NRG3: variants seen among roughly 807,000 people sequenced by gnomAD.
The protein encoded by NRG3 is neuregulin 3.
In NRG3, 31 loss-of-function variants were observed where a neutral mutation model predicts 66.9. The observed-to-expected ratio is 0.46, with a 90% confidence interval of 0.35 to 0.63. The LOEUF (loss-of-function observed/expected upper bound fraction) is 0.63. Among genes scored for constraint, NRG3 ranks in the 20% least tolerant of loss-of-function variants. NRG3 has a pLI of 0.00. For synonymous variants in NRG3, 393 were observed against 359.4 expected (o/e 1.09, Z -1.06); for missense variants, 910 against 878.9 (o/e 1.04, Z -0.45).
intron 1 of NRG3, among the ~76,000 whole-genome samples, chr10:81,998,281 C>G (rs1173795625): frequency 6.6e-6 from 1 of 152,196 alleles, no homozygotes; most frequent in Non-Finnish European, 1.5e-5. Flanking sequence ...TAGCATTTAT[C>G]TACATTTAAT....
chr10:81,963,434 A>G (rs1367762920), intron 1 of NRG3, among the ~76,000 whole-genome samples: 7 of 152,152 alleles, frequency 4.6e-5, no homozygotes, highest in Admixed American at 4.6e-4. Flanking sequence ...CGCCCGGCCC[A>G]CGAGGGCTCT....
chr10:82,185,377 G>C (rs1438572788), intron 1 of NRG3, among the ~76,000 whole-genome samples: 1 of 152,092 alleles, frequency 6.6e-6, no homozygotes, highest in Non-Finnish European at 1.5e-5. Context: ...AACTTAGCCA[G>C]GTCTTTCTTC....
Position 82,083,180 on chromosome 10 carries a change from C to T in NRG3, c.823+207017C>T, listed in dbSNP as rs548359451. Among the ~76,000 whole-genome samples, 31 of 152,114 alleles carry T rather than the reference C, an allele frequency of 2.0e-4. 1 individual carries two copies. In the South Asian group the frequency reaches 6.2e-3, roughly 31 times the overall value. On this transcript the variant is annotated intron_variant, in intron 1 of 8. Transcript: ENST00000372141. ...TTGATGATGTACAGTAGCACTGTAT[C>T]CATTCCTGGACACCAGTCTTTGAAG...
At chr10:82,980,580 G>A (rs1156907123) in intron 8 of NRG3, among the ~76,000 whole-genome samples, 2 of 152,076 alleles carry the variant, frequency 1.3e-5, no homozygotes, top group African/African-American at 2.4e-5. Context: ...AGAGCCTCAC[G>A]TTTCTCTTTT....
intron 1 of NRG3, among the ~76,000 whole-genome samples, chr10:82,049,017 C>T (rs548952794): frequency 2.6e-5 from 4 of 152,024 alleles, no homozygotes; most frequent in East Asian, 3.9e-4. Context: ...ATAAATTCCT[C>T]GACACATACA....
intron 1 of NRG3, among the ~76,000 whole-genome samples, chr10:82,111,368 T>C (rs2067378859): frequency 6.6e-6 from 1 of 152,196 alleles, no homozygotes; most frequent in South Asian, 2.1e-4. Context: ...TTGACAACCC[T>C]GATGATAGAT....
At chr10:82,775,335 G>T (rs2059873764) in intron 3 of NRG3, among the ~76,000 whole-genome samples, 2 of 147,838 alleles carry the variant, frequency 1.4e-5, no homozygotes, top group Non-Finnish European at 1.5e-5. Context: ...ATAATTTTTT[G>T]TTAAATTCTC....
At chr10:82,379,082 G>A (rs894568837) in intron 2 of NRG3, among the ~76,000 whole-genome samples, 2 of 152,128 alleles carry the variant, frequency 1.3e-5, no homozygotes, top group African/African-American at 4.8e-5. Context: ...GTGATGGACT[G>A]CACCCAAAGG....
chr10:81,988,738 A>G (rs1244764607), intron 1 of NRG3, among the ~76,000 whole-genome samples: 3 of 152,134 alleles, frequency 2.0e-5, no homozygotes, highest in African/African-American at 7.2e-5. Flanking sequence ...CAGTAAGTAG[A>G]CATAAGTGCT....
intron 4 of NRG3, among the ~76,000 whole-genome samples, chr10:82,943,498 T>C (rs775496739): frequency 2.2e-4 from 33 of 152,196 alleles, no homozygotes; most frequent in Non-Finnish European, 4.0e-4. Flanking sequence ...AGGTCATTGA[T>C]TTAAGTTATA....
intron 1 of NRG3, among the ~76,000 whole-genome samples, chr10:81,952,588 C>G (rs1849472324): frequency 6.6e-6 from 1 of 151,812 alleles, no homozygotes; most frequent in Non-Finnish European, 1.5e-5. Context: ...GTTGGCACCC[C>G]AGTTAGTTCA....
chr10:82,355,200 G>T (rs889497638), intron 1 of NRG3, among the ~76,000 whole-genome samples: 1 of 152,110 alleles, frequency 6.6e-6, no homozygotes, highest in Non-Finnish European at 1.5e-5. Flanking sequence ...GATACACCAA[G>T]GTTGTTTAGG....
intron 4 of NRG3, among the ~76,000 whole-genome samples, chr10:82,950,426 T>G (rs1406574416): frequency 7.9e-5 from 12 of 152,152 alleles, no homozygotes; most frequent in Admixed American, 1.3e-4. Context: ...ACATTGTTAG[T>G]GACCATTAGA....
In NRG3 at chr10:81,976,926, G is replaced by A. The variant is rs372183774; in HGVS notation, c.823+100763G>A. Reference sequence around the variant, plus strand: ...ACACTCACACACAAATCTTCTTTAGGCATATCTCAAGGTATTTTTCCTTCC... The same window carrying A: ...ACACTCACACACAAATCTTCTTTAGACATATCTCAAGGTATTTTTCCTTCC... On this transcript the variant is annotated intron_variant, in intron 1 of 8. Coordinates refer to ENST00000372141, the MANE Select transcript of NRG3 (RefSeq NM_001010848.4). 3.3e-5 allele frequency among the ~76,000 whole-genome samples: 5 copies of A among 152,180 alleles called. No homozygotes were observed. In the East Asian group the frequency reaches 9.7e-4, roughly 29 times the overall value.
chr10:81,952,418 G>A (rs1333258408), intron 1 of NRG3, among the ~76,000 whole-genome samples: 2 of 151,974 alleles, frequency 1.3e-5, no homozygotes, highest in Non-Finnish European at 2.9e-5. Flanking sequence ...AGGGAGGGGA[G>A]AGAGAAAGAA....
intron 1 of NRG3, among the ~76,000 whole-genome samples, chr10:82,005,960 C>G (rs966251173): frequency 6.7e-6 from 1 of 148,326 alleles, no homozygotes; most frequent in South Asian, 2.1e-4. Flanking sequence ...TTTATTTCAC[C>G]TTATGAAAAC....
chr10:81,949,181 C>A (rs972105234), intron 1 of NRG3, among the ~76,000 whole-genome samples: 1 of 152,088 alleles, frequency 6.6e-6, no homozygotes, highest in Non-Finnish European at 1.5e-5. Context: ...TGAGCTGATA[C>A]CACATGGCTC....
At chr10:82,781,576 T>C (rs2060119774) in intron 3 of NRG3, among the ~76,000 whole-genome samples, 1 of 152,150 alleles carries the variant, frequency 6.6e-6, no homozygotes, top group South Asian at 2.1e-4. Flanking sequence ...ATAGTGTTTA[T>C]AAAATATTTG....
At chr10:82,275,967 C>T (rs1178718541) in intron 1 of NRG3, among the ~76,000 whole-genome samples, 1 of 151,922 alleles carries the variant, frequency 6.6e-6, no homozygotes, top group African/African-American at 2.4e-5. Flanking sequence ...TGCAAATATT[C>T]TGCAAATGTC....
Sources: gnomAD v4.1 joint callset for allele counts (sites outside exome capture counted in the v4.1 genomes callset) on GRCh38, gnomAD v4.1.1 for gene constraint, MANE v1.5 for transcripts, NCBI Gene and HGNC (gene_info 2026-07-23, HGNC 2026-07-21) for gene names.